The following C5orf46 variants were observed in gnomAD, a reference collection of about 807,000 sequenced individuals.
The protein encoded by C5orf46 is uncharacterized protein C5orf46.
C5orf46 carries 9 observed loss-of-function variants against 8.9 expected under a neutral mutation model. The observed-to-expected ratio is 1.01, with a 90% confidence interval of 0.61 to 1.76. The LOEUF (loss-of-function observed/expected upper bound fraction) is 1.76, where lower values mean the gene tolerates loss of function less well. Ranked by LOEUF, C5orf46 falls within the 40% of genes most tolerant of loss-of-function variation. The pLI is 0.00. For missense variants in C5orf46, 98 were observed against 107.8 expected, an observed-to-expected ratio of 0.91 and a Z score of 0.40; for synonymous variants, 47 against 41.4, an observed-to-expected ratio of 1.14 and a Z score of -0.52.
downstream of C5orf46, among the ~76,000 whole-genome samples, chr5:147,890,056 G>A (rs1380024178): frequency 6.6e-6 from 1 of 152,116 alleles, no homozygotes; most frequent in African/African-American, 2.4e-5. Context: ...TCAAGTCATG[G>A]ATCAAATATT....
downstream of C5orf46, among the ~76,000 whole-genome samples, chr5:147,888,851 TTAAGTG>T (rs1306558681): frequency 6.6e-6 from 1 of 152,216 alleles, no homozygotes; most frequent in Non-Finnish European, 1.5e-5. Context: ...TTTAAATTCT[TTAAGTG>T]TATACTTTAA....
chr5:147,896,727 A>C (rs189898413), intron 3 of C5orf46, among the ~76,000 whole-genome samples: 3 of 152,262 alleles, frequency 2.0e-5, no homozygotes, highest in Admixed American at 2.0e-4. Context: ...TTCCTAGCAG[A>C]TTTGTGACAG....
At chr5:147,906,338 C>A in intron 1 of C5orf46, 94 bp downstream of exon 1, 1 of 737,684 alleles carries the variant, frequency 1.4e-6, no homozygotes, top group Non-Finnish European at 2.2e-6. Flanking sequence ...CCAAAGACCC[C>A]TTCTTTCTTT....
downstream of C5orf46, among the ~76,000 whole-genome samples, chr5:147,888,735 A>G (rs17625452): frequency 0.069 from 10,491 of 152,224 alleles, 645 homozygotes; most frequent in Admixed American, 0.21. Context: ...ATGTAATTAT[A>G]GGTTTATGTA....
At position 147,901,608 on chromosome 5, in the gene C5orf46, A is replaced by G. The variant is rs370341223; in HGVS notation, c.215+21T>C. ...ATCAACAGAGAATTGGACAAAAAGC[A>G]ACGTTTTTCTCAGTGCTTACGTGCT... On this transcript the variant is annotated intron_variant, in intron 2 of 3. Coordinates refer to ENST00000318315, the MANE Select transcript of C5orf46 (RefSeq NM_206966.3). 19 of 1,607,878 alleles carry G rather than the reference A, an allele frequency of 1.2e-5. No individual in the cohort carries two copies. The African/African-American group carries it at 2.5e-4, about 22-fold the overall frequency.
chr5:147,892,233 G>A (rs965122371), downstream of C5orf46, among the ~76,000 whole-genome samples: 2 of 152,182 alleles, frequency 1.3e-5, no homozygotes, highest in African/African-American at 4.8e-5. Context: ...TGGCTGCAGA[G>A]GATCCACCTC....
At chr5:147,894,671 T>C (rs1757552819) in intron 3 of C5orf46, among the ~76,000 whole-genome samples, 1 of 151,828 alleles carries the variant, frequency 6.6e-6, no homozygotes, top group Non-Finnish European at 1.5e-5. Context: ...CATAAACTTC[T>C]CAACAGCCAG....
At chr5:147,894,234 A>G (rs1013209591) in intron 3 of C5orf46, among the ~76,000 whole-genome samples, 2 of 152,224 alleles carry the variant, frequency 1.3e-5, no homozygotes, top group Non-Finnish European at 1.5e-5. Context: ...GTTTTTAAGC[A>G]GGAAAGAAAA....
At chr5:147,899,384 G>A (rs1757633281) in intron 2 of C5orf46, among the ~76,000 whole-genome samples, 1 of 152,106 alleles carries the variant, frequency 6.6e-6, no homozygotes, top group African/African-American at 2.4e-5. Flanking sequence ...CTTGAGCAGG[G>A]AGTTATGGGT....
At chr5:147,900,418 C>T (rs772898536) in intron 2 of C5orf46, among the ~76,000 whole-genome samples, 7 of 152,026 alleles carry the variant, frequency 4.6e-5, no homozygotes, top group Non-Finnish European at 7.4e-5. Context: ...GTTAAAGACC[C>T]CTTTGAAAAT....
At chr5:147,899,667 T>G (rs1757637923) in intron 2 of C5orf46, among the ~76,000 whole-genome samples, 1 of 152,150 alleles carries the variant, frequency 6.6e-6, no homozygotes, top group Non-Finnish European at 1.5e-5. Context: ...TGGTAACAAA[T>G]ATTATGACAC....
At chr5:147,890,823 C>T (rs1757492840), downstream of C5orf46, among the ~76,000 whole-genome samples, 1 of 150,994 alleles carries the variant, frequency 6.6e-6, no homozygotes, top group South Asian at 2.1e-4. Flanking sequence ...AAGTGAATAA[C>T]TCAGGTAGGA....
At chr5:147,900,872 G>A (rs1757655759) in intron 2 of C5orf46, among the ~76,000 whole-genome samples, 1 of 152,164 alleles carries the variant, frequency 6.6e-6, no homozygotes, top group Non-Finnish European at 1.5e-5. Context: ...AGATTAATAT[G>A]GGGAGAATAA....
At chr5:147,893,532 C>T (rs1324289396) in intron 3 of C5orf46, among the ~76,000 whole-genome samples, 2 of 151,860 alleles carry the variant, frequency 1.3e-5, no homozygotes, top group Admixed American at 1.3e-4. Context: ...GATTTGCCTG[C>T]CTCAGCCTCC....
intron 2 of C5orf46, chr5:147,887,370 C>G (rs1757438426): frequency 6.6e-6 from 1 of 152,128 alleles, no homozygotes; most frequent in Non-Finnish European, 1.5e-5. Context: ...CTCCCCCTTT[C>G]TAGTAACTAC....
At chr5:147,897,186 T>C in intron 2 of C5orf46, 145 bp from the exon 3 acceptor site, 1 of 437,732 alleles carries the variant, frequency 2.3e-6, no homozygotes, top group Non-Finnish European at 4.1e-6. Context: ...CTAAAATTTC[T>C]ACATAGTTCA....
intron 2 of C5orf46, chr5:147,886,362 A>G (rs1757416295): frequency 6.6e-6 from 1 of 152,242 alleles, no homozygotes; most frequent in Admixed American, 6.5e-5. Context: ...ATTGCTCTGT[A>G]TGATTTCTTA....
intron 2 of C5orf46, among the ~76,000 whole-genome samples, chr5:147,898,410 G>A (rs540161977): frequency 2.0e-4 from 30 of 152,226 alleles, no homozygotes; most frequent in Admixed American, 9.8e-4. Context: ...ATGATGATGT[G>A]ACTTAATGAG....
intron 3 of C5orf46, among the ~76,000 whole-genome samples, chr5:147,893,990 C>G (rs114054654): frequency 2.6e-5 from 4 of 151,590 alleles, no homozygotes; most frequent in African/African-American, 7.3e-5. Flanking sequence ...ATTGTGGCCA[C>G]GGGCAATTTT....
Sources: gnomAD v4.1 joint callset for allele counts (sites outside exome capture counted in the v4.1 genomes callset) on GRCh38, gnomAD v4.1.1 for gene constraint, MANE v1.5 for transcripts, NCBI Gene and HGNC (gene_info 2026-07-23, HGNC 2026-07-21) for gene names.